EML1: variants seen among roughly 807,000 people sequenced by gnomAD.
The protein encoded by EML1 is EMAP like 1.
EML1 carries 27 observed loss-of-function variants against 110.4 expected under a neutral mutation model. The observed-to-expected ratio is 0.24, with a 90% CI of 0.18 to 0.34. The LOEUF (loss-of-function observed/expected upper bound fraction) is 0.34, where lower values mean the gene tolerates loss of function less well. Ranked by LOEUF, EML1 falls within the 10% of genes least tolerant of loss-of-function variation. EML1 has a pLI of 1.00. For missense variants in EML1, 741 were observed against 1,030.9 expected (o/e 0.72, Z 3.85); for synonymous variants, 344 against 385.8 (o/e 0.89, Z 1.27).
chr14:99,916,050 T>C (rs2060029543), intron 15 of EML1, among the ~76,000 whole-genome samples: 1 of 152,178 alleles, frequency 6.6e-6, no homozygotes, highest in South Asian at 2.1e-4. Flanking sequence ...GGGAACAGTG[T>C]TATATGTTCT....
At chr14:99,744,486 A>G (rs140512129) in intron 1 of EML1, among the ~76,000 whole-genome samples, 60 of 152,260 alleles carry the variant, frequency 3.9e-4, no homozygotes, top group African/African-American at 1.3e-3. Context: ...GTGTCTCTCC[A>G]TTAGGAACAG....
chr14:99,874,787 A>T, intron 3 of EML1: 1 of 531,020 alleles, frequency 1.9e-6, no homozygotes, highest in Non-Finnish European at 3.2e-6. Flanking sequence ...GATTATATCC[A>T]CGTCTATATT....
chr14:99,818,477 A>G (rs2058206606), intron 1 of EML1, among the ~76,000 whole-genome samples: 1 of 152,186 alleles, frequency 6.6e-6, no homozygotes, highest in Non-Finnish European at 1.5e-5. Flanking sequence ...TCAGTCAAAG[A>G]TACACCAAGA....
intron 1 of EML1, among the ~76,000 whole-genome samples, chr14:99,844,294 C>A (rs2058674867): frequency 6.6e-6 from 1 of 152,134 alleles, no homozygotes. Flanking sequence ...ACCTGGCCCA[C>A]ATAGCGAAAC....
chr14:99,920,602 T>C (rs2060113401), intron 16 of EML1, among the ~76,000 whole-genome samples, 187 bp from the exon 17 acceptor site: 1 of 152,220 alleles, frequency 6.6e-6, no homozygotes, highest in Admixed American at 6.5e-5. Flanking sequence ...TGCTGTTCCT[T>C]TCATTAGAAA....
intron 17 of EML1, among the ~76,000 whole-genome samples, chr14:99,935,788 A>C (rs2060459829): frequency 7.6e-6 from 1 of 132,340 alleles, no homozygotes; most frequent in Admixed American, 7.6e-5. Flanking sequence ...TCTCAAAAAA[A>C]AAAAAAAAAA....
At chr14:99,751,262 G>C (rs8011081) in intron 1 of EML1, among the ~76,000 whole-genome samples, 20,780 of 151,872 alleles carry the variant, frequency 0.14, 1,435 homozygotes, top group East Asian at 0.21. Flanking sequence ...AGAACCACAG[G>C]GGGGTGGGCA....
At chr14:99,874,473 C>A (rs1335845000) in intron 3 of EML1, among the ~76,000 whole-genome samples, 1 of 152,192 alleles carries the variant, frequency 6.6e-6, no homozygotes, top group African/African-American at 2.4e-5. Flanking sequence ...CACTCGCCGT[C>A]CAGAGAGAAC....
intron 3 of EML1, among the ~76,000 whole-genome samples, chr14:99,866,077 G>A (rs1225829268): frequency 1.3e-5 from 2 of 152,160 alleles, no homozygotes; most frequent in African/African-American, 4.8e-5. Context: ...TCTAAATATT[G>A]ATGTTATCTG....
At chr14:99,773,473 G>C (rs1202809459) in exon 1 of EML1, 1 of 152,268 alleles carries the variant, frequency 6.6e-6, no homozygotes, top group African/African-American at 2.4e-5. Flanking sequence ...AGGGGTGGAC[G>C]TTGCCCAGGA....
At chr14:99,871,844 G>C (rs765711762) in intron 3 of EML1, among the ~76,000 whole-genome samples, 1 of 152,138 alleles carries the variant, frequency 6.6e-6, no homozygotes, top group Non-Finnish European at 1.5e-5. Flanking sequence ...GACAATAAAG[G>C]GTTTAGAGTA....
chr14:99,750,623 G>A (rs1015023615), intron 1 of EML1, among the ~76,000 whole-genome samples: 1 of 152,182 alleles, frequency 6.6e-6, no homozygotes. Flanking sequence ...GGCACAGTGG[G>A]GGGATCAGGG....
Position 99,850,841 on chromosome 14 carries a change from T to C in EML1, c.68-12T>C. 6.2e-7 allele frequency: 1 copy of C among 1,609,808 alleles called. No individual in the cohort carries two copies. Among genetic ancestry groups the C allele is most frequent in the Non-Finnish European group, 8.5e-7 (1 of 1,176,628 alleles). On this transcript the variant is annotated splice_polypyrimidine_tract_variant and intron_variant, in intron 1 of 21. Transcript: ENST00000262233. ...AACACTTAAAGCTCACTTGATCCTT[T>C]CTTTGGTTTAGATGACAGCGCTTCT...
chr14:99,912,311 C>T (rs2059960070), intron 13 of EML1, among the ~76,000 whole-genome samples: 1 of 152,178 alleles, frequency 6.6e-6, no homozygotes, highest in Non-Finnish European at 1.5e-5. Context: ...GGCTGTGACT[C>T]CTTTTGATAC....
At chr14:99,777,812 T>G (rs558177255) in intron 1 of EML1, among the ~76,000 whole-genome samples, 5 of 152,236 alleles carry the variant, frequency 3.3e-5, no homozygotes, top group African/African-American at 4.8e-5. Flanking sequence ...TTGTTTTGTT[T>G]TTTTGTTTTG....
chr14:99,824,705 G>T (rs899000918), intron 1 of EML1, among the ~76,000 whole-genome samples: 2 of 152,094 alleles, frequency 1.3e-5, no homozygotes, highest in African/African-American at 4.8e-5. Context: ...CGCTGGAATG[G>T]TGAACACTGT....
At chr14:99,921,713 C>A (rs2060133630) in intron 17 of EML1, among the ~76,000 whole-genome samples, 1 of 152,066 alleles carries the variant, frequency 6.6e-6, no homozygotes. Flanking sequence ...TGTATATATC[C>A]CAAAAAGATG....
chr14:99,830,552 G>GTTTTTTTTTGT (rs1013253192), intron 1 of EML1, among the ~76,000 whole-genome samples: 2 of 150,532 alleles, frequency 1.3e-5, no homozygotes, highest in South Asian at 2.1e-4. Flanking sequence ...TTGCCTTTTT[G>GTTTTTTTTTGT]TTTTTTTTGT....
intron 1 of EML1, among the ~76,000 whole-genome samples, chr14:99,796,711 A>T (rs1351671454): frequency 6.6e-6 from 1 of 151,714 alleles, no homozygotes; most frequent in Non-Finnish European, 1.5e-5. Flanking sequence ...TTAAAAAGTG[A>T]ACAGTAGCTA....
Sources: allele counts gnomAD v4.1 joint callset (sites outside exome capture counted in the v4.1 genomes callset), GRCh38; gene constraint gnomAD v4.1.1; transcripts MANE v1.5; gene names NCBI Gene and HGNC (gene_info 2026-07-23, HGNC 2026-07-21).